BTBD1: variants seen among roughly 807,000 people sequenced by gnomAD.
BTBD1 encodes the protein BTB/POZ domain-containing protein 1.
A neutral mutation model predicts 48.0 loss-of-function variants in BTBD1; 34 were observed. The ratio of observed to expected loss-of-function variants is 0.71; its 90% CI spans 0.54 to 0.94. The LOEUF is 0.94. Among genes scored for constraint, BTBD1 ranks in the 40% least tolerant of loss-of-function variants. The pLI is 0.00. For missense variants in BTBD1, 543 were observed against 625.6 expected (o/e 0.87, Z 1.41); for synonymous variants, 261 against 242.1 (o/e 1.08, Z -0.72).
At chr15:83,042,358 A>ATATATATATG (rs2032780874) in intron 3 of BTBD1, among the ~76,000 whole-genome samples, 5 of 116,562 alleles carry the variant, frequency 4.3e-5, no homozygotes, top group African/African-American at 1.6e-4. Flanking sequence ...TTATATATAT[A>ATATATATATG]TATATATATA....
chr15:83,066,899 C>T lies in BTBD1; in HGVS notation c.253G>A (p.Gly85Arg). Residue 85 changes from glycine to arginine, a missense_variant, in exon 1 of 8, where the codon GGG (glycine) becomes AGG (arginine). Physicochemically the swap from Gly to Arg is moderately radical, Grantham distance 125. This residue lies in a region of BTBD1 where 173 missense variants were observed against 163.9 expected (regional missense o/e 1.06). Transcript: ENST00000261721. ...LGKGRGAAAA[G>R]GPQRIPAHRF... Reference sequence around the variant, plus strand: ...TGGGCGGGGATGCGCTGCGGGCCCCCAGCGGCGGCGGCGCCGCGACCCTTG... The same window carrying T: ...TGGGCGGGGATGCGCTGCGGGCCCCTAGCGGCGGCGGCGCCGCGACCCTTG... 1 of 1,514,744 alleles carries T rather than the reference C, an allele frequency of 6.6e-7. No individual in the cohort carries two copies. Among genetic ancestry groups the T allele is most frequent in the East Asian group, 2.7e-5 (1 of 36,702 alleles). 93.8% of individuals were successfully genotyped at this position (1,514,744 alleles called of 1,614,324 possible).
chr15:83,019,683 G>T (rs1171011327), intron 6 of BTBD1, among the ~76,000 whole-genome samples: 1 of 148,352 alleles, frequency 6.7e-6, no homozygotes, highest in African/African-American at 2.5e-5. Context: ...CTGCCTCCCA[G>T]GTCCCAGTTC....
intron 4 of BTBD1, among the ~76,000 whole-genome samples, chr15:83,040,193 A>C (rs2032723411): frequency 6.6e-6 from 1 of 152,192 alleles, no homozygotes. Context: ...ACATGGACAT[A>C]AAGATGGAAA....
intron 5 of BTBD1, among the ~76,000 whole-genome samples, chr15:83,028,220 C>T (rs2032449959): frequency 6.6e-6 from 1 of 152,106 alleles, no homozygotes; most frequent in Admixed American, 6.5e-5. Context: ...TCATGTCAAA[C>T]AAGTATTCTT....
At chr15:83,042,137 T>C (rs1008384519) in intron 3 of BTBD1, among the ~76,000 whole-genome samples, 5 of 151,920 alleles carry the variant, frequency 3.3e-5, no homozygotes, top group Admixed American at 6.6e-5. Context: ...ATCAATTTAT[T>C]ACTTACCATA....
intron 2 of BTBD1, among the ~76,000 whole-genome samples, chr15:83,051,785 T>G (rs185470655): frequency 2.6e-5 from 4 of 151,882 alleles, no homozygotes; most frequent in African/African-American, 9.7e-5. Context: ...GTTGAAAAGA[T>G]AGTGCAATGA....
chr15:83,055,970 GCT>G (rs1567112347), intron 2 of BTBD1, among the ~76,000 whole-genome samples: 1 of 151,922 alleles, frequency 6.6e-6, no homozygotes, highest in Admixed American at 6.6e-5. Flanking sequence ...ATGGAGTCTC[GCT>G]CTGTCTCCCA....
intron 2 of BTBD1, among the ~76,000 whole-genome samples, chr15:83,055,426 T>A (rs2033066841): frequency 6.6e-6 from 1 of 151,680 alleles, no homozygotes; most frequent in Non-Finnish European, 1.5e-5. Context: ...CTCGGCTAAT[T>A]TTTTTATTTT....
intron 2 of BTBD1, among the ~76,000 whole-genome samples, chr15:83,055,689 C>T (rs1157795183): frequency 6.6e-6 from 1 of 152,178 alleles, no homozygotes; most frequent in Non-Finnish European, 1.5e-5. Context: ...GATTACAGGT[C>T]CAAAGATCGT....
chr15:83,033,968 G>T (rs560829323), intron 4 of BTBD1, among the ~76,000 whole-genome samples: 3 of 151,440 alleles, frequency 2.0e-5, no homozygotes, highest in South Asian at 2.1e-4. Flanking sequence ...AATAATAAAA[G>T]AATCTTTAAT....
intron 6 of BTBD1, 123 bp downstream of exon 6, chr15:83,020,552 T>C: frequency 1.5e-6 from 1 of 667,306 alleles, no homozygotes; most frequent in African/African-American, 1.8e-5. Context: ...CTTACAATGC[T>C]ACTAAGGGGC....
chr15:83,030,606 A>T (rs1289876193), intron 4 of BTBD1: 16 of 305,718 alleles, frequency 5.2e-5, no homozygotes, highest in Non-Finnish European at 7.2e-5. Context: ...TTCTCACCTT[A>T]TACAAAAATC....
At chr15:83,031,528 A>C (rs1048808795) in intron 4 of BTBD1, among the ~76,000 whole-genome samples, 1 of 152,212 alleles carries the variant, frequency 6.6e-6, no homozygotes, top group Admixed American at 6.5e-5. Context: ...TATCACAAGG[A>C]CAAAATACCA....
rs1021556975 is a variant in BTBD1, at chr15:83,026,777, C to G, written c.1055+3359G>C. Among the ~76,000 whole-genome samples the G allele has an allele frequency of 5.5e-4, 84 of 152,268 alleles. 1 individual carries two copies. The highest frequency in any genetic ancestry group is 7.6e-4 in the Non-Finnish European group (52 of 68,024). On this transcript the variant is annotated intron_variant, in intron 5 of 7. Transcript: ENST00000261721. Reference sequence around the variant, plus strand: ...CCTGAGGTGATCCGCCCGCCTCGGCCTCCCAAAGTGTGGGGATTACAGGCA... The same window carrying G: ...CCTGAGGTGATCCGCCCGCCTCGGCGTCCCAAAGTGTGGGGATTACAGGCA...
intron 3 of BTBD1, among the ~76,000 whole-genome samples, chr15:83,042,130 AATTT>A (rs781308320): frequency 4.6e-5 from 7 of 151,896 alleles, no homozygotes; most frequent in Non-Finnish European, 7.4e-5. Context: ...TTTAACAATC[AATTT>A]ATTACTTACC....
rs1672628176 is a variant in BTBD1 at position 83,053,094 on chromosome 15, T to C, written c.559-2916A>G. 2.6e-5 allele frequency among the ~76,000 whole-genome samples: 4 copies of C among 152,162 alleles called. No individual in the cohort carries two copies. The South Asian group carries it at 8.3e-4, about 32-fold the overall frequency. On this transcript the variant is annotated intron_variant, in intron 2 of 7. Coordinates refer to ENST00000261721, the MANE Select transcript of BTBD1 (RefSeq NM_025238.4). ...TACACAGGCAATATCAAATTTCCTATGGAATCTACTGCTGCTATTTAGGGT... is the reference window on the plus strand; with the variant it reads ...TACACAGGCAATATCAAATTTCCTACGGAATCTACTGCTGCTATTTAGGGT...
chr15:83,033,897 G>C (rs757552902), intron 4 of BTBD1, among the ~76,000 whole-genome samples: 2 of 151,870 alleles, frequency 1.3e-5, no homozygotes, highest in African/African-American at 2.4e-5. Flanking sequence ...TAATTTTTAA[G>C]ATTTAATTTA....
rs1211661313 is a variant in BTBD1, at chr15:83,057,850, CTATCTCCAAAACAGAAATG to C, written c.402-1324_402-1306del. 9.8e-5 allele frequency among the ~76,000 whole-genome samples: 15 copies of C among 152,360 alleles called. No individual in the cohort carries two copies. In the East Asian group the frequency reaches 2.7e-3, roughly 27 times the overall value. On this transcript the variant is annotated intron_variant, in intron 1 of 7. Transcript: ENST00000261721. ...CAGCTGGTCTGTTTTCAAGATAATA[CTATCTCCAAAACAGAAATG>C]TTGGCTGGGAGCTCTGTGTATGTGG...
intron 4 of BTBD1, among the ~76,000 whole-genome samples, chr15:83,035,994 T>C (rs115727870): frequency 0.013 from 2,011 of 149,784 alleles, 51 homozygotes; most frequent in African/African-American, 0.048. Context: ...GGATAATGCA[T>C]AACAACCAAG....
Sources: gnomAD v4.1 joint callset for allele counts (sites outside exome capture counted in the v4.1 genomes callset) on GRCh38, gnomAD v4.1.1 for gene constraint, gnomAD v4.1.1 regional missense constraint, MANE v1.5 for transcripts, NCBI Gene and HGNC (gene_info 2026-07-23, HGNC 2026-07-21) for gene names.